BSN: variants seen among roughly 807,000 people sequenced by gnomAD.
BSN encodes bassoon presynaptic cytomatrix protein.
Under a neutral mutation model 264.8 loss-of-function variants are expected in BSN, and 57 were observed. That is an observed-to-expected ratio of 0.22 (90% CI 0.17 to 0.27). The LOEUF (loss-of-function observed/expected upper bound fraction) is 0.27, where lower values mean the gene tolerates loss of function less well. Among genes scored for constraint, BSN ranks in the 10% least tolerant of loss-of-function variants. BSN has a pLI of 1.00. For missense variants in BSN, 4,615 were observed against 5,232.5 expected (o/e 0.88, Z 3.64); for synonymous variants, 2,059 against 2,137.3 (o/e 0.96, Z 1.01).
chr3:49,572,054 A>G (rs890464722), intron 1 of BSN, among the ~76,000 whole-genome samples: 6 of 152,156 alleles, frequency 3.9e-5, no homozygotes, highest in South Asian at 2.1e-4. Context: ...CGGAAACACA[A>G]CAGTCAGCAG....
chr3:49,577,893 A>G (rs1379403835), intron 1 of BSN, among the ~76,000 whole-genome samples: 1 of 152,134 alleles, frequency 6.6e-6, no homozygotes, highest in Non-Finnish European at 1.5e-5. Flanking sequence ...TGATAAGAAT[A>G]CCCACCTGTG....
intron 1 of BSN, among the ~76,000 whole-genome samples, chr3:49,600,318 A>G (rs548373376): frequency 1.3e-5 from 2 of 152,178 alleles, no homozygotes; most frequent in South Asian, 2.1e-4. Flanking sequence ...CAGCGAAAGG[A>G]TAATTATCTG....
Position 49,625,065 on chromosome 3 carries a change from C to A in BSN, c.315C>A (p.Gly105=). 1 of 1,606,498 alleles carries A rather than the reference C, an allele frequency of 6.2e-7. No homozygotes were observed. The highest frequency in any genetic ancestry group is 8.5e-7 in the Non-Finnish European group (1 of 1,176,848). ...AGCAGGCTTCTGCTACCACTCCTGGCCATGAGAGCCCCCGAGAGACAAGGG... is the reference window on the plus strand; with the variant it reads ...AGCAGGCTTCTGCTACCACTCCTGGACATGAGAGCCCCCGAGAGACAAGGG... The part of the protein sequence containing the change: ...TPKQASATTP[G]HESPRETRAQ... Residue 105 remains glycine (G), a synonymous_variant, in exon 2 of 12, where the codon GGC becomes GGA. Coordinates refer to ENST00000296452, the MANE Select transcript of BSN (RefSeq NM_003458.4). This position sits in a 1 kb window ranked among gnomAD's most constrained non-coding sequence, Gnocchi z 4.4.
chr3:49,599,203 G>A (rs1277692436), intron 1 of BSN, among the ~76,000 whole-genome samples: 5 of 152,208 alleles, frequency 3.3e-5, no homozygotes, highest in Non-Finnish European at 7.3e-5. Context: ...TATTGATGGA[G>A]CCGTTTGTTG....
At chr3:49,578,880 C>A (rs996505263) in intron 1 of BSN, among the ~76,000 whole-genome samples, 13 of 152,122 alleles carry the variant, frequency 8.5e-5, no homozygotes, top group African/African-American at 3.1e-4. Context: ...TGGAATCATG[C>A]AATGTGTGTT....
At chr3:49,624,112 T>C (rs1010254102) in intron 1 of BSN, among the ~76,000 whole-genome samples, 6 of 150,888 alleles carry the variant, frequency 4.0e-5, no homozygotes, top group Non-Finnish European at 5.9e-5. Context: ...GCCATTCTTC[T>C]GCCTCAGCCT....
At position 49,643,110 on chromosome 3, in the gene BSN, G is replaced by T. The variant is rs1160247024; in HGVS notation, c.1476G>T (p.Val492=). The change falls in exon 3 of 12, where the codon GTG becomes GTT. Residue 492 remains valine, a synonymous_variant. Transcript: ENST00000296452. Reference sequence around the variant, plus strand: ...CATGCACCACCTGCAGGCTCCAGGTGTGCAACCTGTGTGGCTTCAACCCAA... The same window carrying T: ...CATGCACCACCTGCAGGCTCCAGGTTTGCAACCTGTGTGGCTTCAACCCAA... ...YNTCTTCRLQ[V]CNLCGFNPTP... is the part of the protein sequence containing the mutation. 1 of 1,612,872 alleles carries T rather than the reference G, an allele frequency of 6.2e-7. No individual in the cohort carries two copies. Among genetic ancestry groups the T allele is most frequent in the African/African-American group, 1.3e-5 (1 of 74,918 alleles).
At chr3:49,662,630 C>G in intron 6 of BSN, 68 bp downstream of exon 6, 2 of 1,528,752 alleles carry the variant, frequency 1.3e-6, no homozygotes. Flanking sequence ...CTGTGGGGCC[C>G]TGGGCCCTAA....
In BSN at chr3:49,663,847, G is replaced by C. The variant is rs766200614; in HGVS notation, c.11569G>C (p.Ala3857Pro). 6 of 1,614,054 alleles carry C rather than the reference G, an allele frequency of 3.7e-6. No homozygotes were observed. Among genetic ancestry groups the C allele is most frequent in the Non-Finnish European group, 5.1e-6 (6 of 1,180,020 alleles). ...AGCCAAAGCACCGCAACAGGGGAGG[G>C]CTCCTCAGGCCCAGCCAGCACCAGG... ...GTAKAPQQGR[A>P]PQAQPAPGPG... The change falls in exon 8 of 12, where the codon GCT (alanine) becomes CCT (proline). Residue 3857 changes from alanine to proline, a missense_variant. Transcript: ENST00000296452.
Position 49,653,626 on chromosome 3 carries a change from A to G in BSN, c.4070A>G (p.His1357Arg). The G allele has an allele frequency of 1.2e-6, 2 of 1,613,690 alleles. No homozygotes were observed. The highest frequency in any genetic ancestry group is 2.2e-5 in the East Asian group (1 of 44,840). ...AKETQDPLKL[H>R]SSPASPSSAS... ...GAGACTCAGGACCCCCTCAAGCTGC[A>G]CAGCTCTCCTGCCTCCCCCAGCTCA... The change falls in exon 5 of 12, where the codon CAC (histidine) becomes CGC (arginine). Residue 1357 changes from histidine to arginine, a missense_variant. Physicochemically the swap from His to Arg is conservative, Grantham distance 29 (BLOSUM62 0). Coordinates refer to ENST00000296452, the MANE Select transcript of BSN (RefSeq NM_003458.4). This position sits in a 1 kb window ranked among gnomAD's most constrained non-coding sequence, Gnocchi z 6.3.
chr3:49,629,699 C>A lies in BSN; in HGVS notation c.633+4316C>A, dbSNP rs886563322. Among the ~76,000 whole-genome samples the A allele has an allele frequency of 2.6e-5, 4 of 152,244 alleles. 1 individual carries two copies. The highest frequency in any genetic ancestry group is 9.6e-5 in the African/African-American group (4 of 41,468). ...TGATCAGCTGAATCCTCCCAGAGCACCATCTAGAGTGAAGGGGCCCACGCT... is the reference window on the plus strand; with the variant it reads ...TGATCAGCTGAATCCTCCCAGAGCAACATCTAGAGTGAAGGGGCCCACGCT... On this transcript the variant is annotated intron_variant, in intron 2 of 11. Transcript: ENST00000296452.
chr3:49,656,433 G>T lies in BSN; in HGVS notation c.6877G>T (p.Ala2293Ser). The T allele has an allele frequency of 6.3e-7, 1 of 1,592,688 alleles. No homozygotes were observed. Among genetic ancestry groups the T allele is most frequent in the Admixed American group, 1.7e-5 (1 of 57,938 alleles). ...ACCTGCTGCTGCCAAGGCCCCTGGG[G>T]CTGGGGGCCCTTCAAGGCCAGAGAT... Reference protein sequence around the residue: ...GKPAAAKAPGAGGPSRPEMPV... With the variant: ...GKPAAAKAPGSGGPSRPEMPV... Residue 2293 changes from alanine (A) to serine (S), a missense_variant, in exon 5 of 12, where the codon GCT (alanine) becomes TCT (serine). By Grantham distance (99) the Ala-to-Ser change is moderately conservative (BLOSUM62 1). Transcript: ENST00000296452.
At chr3:49,583,219 T>C (rs2051908400) in intron 1 of BSN, among the ~76,000 whole-genome samples, 1 of 152,088 alleles carries the variant, frequency 6.6e-6, no homozygotes, top group Non-Finnish European at 1.5e-5. Flanking sequence ...TTTGCCCACC[T>C]CGGCCTCCCA....
At chr3:49,617,111 G>A (rs930187558) in intron 1 of BSN, among the ~76,000 whole-genome samples, 6 of 151,850 alleles carry the variant, frequency 4.0e-5, no homozygotes, top group Non-Finnish European at 8.8e-5. Flanking sequence ...TACCTTTCTT[G>A]GCCATCTTAA....
At position 49,658,160 on chromosome 3, in the gene BSN, C is replaced by T; in HGVS notation, c.8604C>T (p.Phe2868=). ...PTAEESAKER[F]SLYQHQGGLG... is the part of the protein sequence containing the mutation. ...CCGAAGAGTCTGCCAAAGAGAGATT[C>T]TCCCTCTACCAGCACCAGGGGGGAC... The change falls in exon 5 of 12, where the codon TTC becomes TTT. Residue 2868 remains phenylalanine, a synonymous_variant. Coordinates refer to ENST00000296452, the MANE Select transcript of BSN (RefSeq NM_003458.4). 1.3e-6 allele frequency: 2 copies of T among 1,590,250 alleles called. No homozygotes were observed. The highest frequency in any genetic ancestry group is 1.7e-6 in the Non-Finnish European group (2 of 1,164,304).
At position 49,653,944 on chromosome 3, in the gene BSN, C is replaced by A; in HGVS notation, c.4388C>A (p.Thr1463Asn). Residue 1463 changes from threonine to asparagine, a missense_variant, in exon 5 of 12, where the codon ACT (threonine) becomes AAT (asparagine). This residue lies in a region of BSN where 3,415 missense variants were observed against 3,866.4 expected (regional missense o/e 0.88). Transcript: ENST00000296452. This position sits in a 1 kb window ranked among gnomAD's most constrained non-coding sequence, Gnocchi z 6.3. ...PLSASDGEGGTPQPSRAYSYF... is the reference protein window; with the variant it reads ...PLSASDGEGGNPQPSRAYSYF... ...AGTGCGAGTGACGGTGAGGGTGGCA[C>A]TCCTCAGCCTTCCCGGGCATATTCC... The A allele has an allele frequency of 1.9e-6, 3 of 1,614,138 alleles. No homozygotes were observed. The highest frequency in any genetic ancestry group is 2.5e-6 in the Non-Finnish European group (3 of 1,180,024).
chr3:49,595,187 C>T (rs2052012465), intron 1 of BSN, among the ~76,000 whole-genome samples: 1 of 137,010 alleles, frequency 7.3e-6, no homozygotes, highest in South Asian at 2.3e-4. Flanking sequence ...CTGCGCCTGG[C>T]CACAATTTTT....
intron 1 of BSN, among the ~76,000 whole-genome samples, chr3:49,575,385 A>C (rs926485491): frequency 6.7e-6 from 1 of 148,664 alleles, no homozygotes; most frequent in African/African-American, 2.5e-5. Flanking sequence ...TATATATGTA[A>C]ATATATATGT....
chr3:49,669,824 T>A lies in BSN; in HGVS notation c.*2339T>A, dbSNP rs1182621071. 1 of 152,564 alleles carries A rather than the reference T, an allele frequency of 6.6e-6. No individual in the cohort carries two copies. The highest frequency in any genetic ancestry group is 1.5e-5 in the Non-Finnish European group (1 of 68,044). The allele number at this position is 152,564 out of a possible 1,614,324, so 9.5% of individuals were successfully genotyped here. A position where few individuals can be genotyped will look rare whatever the true frequency, so the allele number is the denominator to read the frequency against. ...CCTCTCTGCATCTGTCCCCAGGACC[T>A]ATGCTCCCTGCTCACCCCCTTCTCC... On this transcript the variant is annotated 3_prime_UTR_variant, in exon 12 of 12. Coordinates refer to ENST00000296452, the MANE Select transcript of BSN (RefSeq NM_003458.4).
Sources: gnomAD v4.1 joint callset for allele counts (sites outside exome capture counted in the v4.1 genomes callset) on GRCh38, gnomAD v4.1.1 for gene constraint, gnomAD v4.1.1 regional missense constraint, Gnocchi (gnomAD v3.1) non-coding constraint, MANE v1.5 for transcripts, NCBI Gene and HGNC (gene_info 2026-07-23, HGNC 2026-07-21) for gene names.